Variants in CC2D1A observed in about 807,000 individuals in gnomAD.
CC2D1A encodes the protein coiled-coil and C2 domain-containing protein 1A.
Under a neutral mutation model 123.8 loss-of-function variants are expected in CC2D1A, and 68 were observed. The ratio of observed to expected loss-of-function variants is 0.55; its 90% confidence interval spans 0.45 to 0.67. The LOEUF (loss-of-function observed/expected upper bound fraction) is 0.67, where lower values mean the gene tolerates loss of function less well. CC2D1A is among the 30% of genes least tolerant of loss of function. The probability of loss-of-function intolerance (pLI) is 0.00; values close to 1 mark genes in which losing one functional copy is unlikely to be tolerated. For missense variants in CC2D1A, 1,185 were observed against 1,290.3 expected (o/e 0.92, Z 1.25); for synonymous variants, 477 against 528.0 (o/e 0.90, Z 1.32).
chr19:13,924,633 C>G (rs1043559630), intron 17 of CC2D1A, among the ~76,000 whole-genome samples: 6 of 152,118 alleles, frequency 3.9e-5, no homozygotes, highest in African/African-American at 1.4e-4. Flanking sequence ...CCATGCCCAG[C>G]TAATTTTTGT....
At chr19:13,910,665 C>T (rs1970969725) in intron 2 of CC2D1A, among the ~76,000 whole-genome samples, 1 of 152,158 alleles carries the variant, frequency 6.6e-6, no homozygotes, top group African/African-American at 2.4e-5. Context: ...AATCCCAGCA[C>T]TCTGGGAGGC....
intron 6 of CC2D1A, among the ~76,000 whole-genome samples, chr19:13,917,853 C>G (rs1971260359): frequency 6.6e-6 from 1 of 152,142 alleles, no homozygotes; most frequent in Non-Finnish European, 1.5e-5. Flanking sequence ...TGCCTGTAAT[C>G]CCAGCTACTC....
chr19:13,913,383 A>G, intron 5 of CC2D1A, 21 bp from the exon 6 acceptor site: 1 of 1,611,956 alleles, frequency 6.2e-7, no homozygotes, highest in Non-Finnish European at 8.5e-7. Flanking sequence ...CTCCCAAACC[A>G]ATACTCACGC....
At chr19:13,909,710 CT>C in intron 1 of CC2D1A, 112 bp from the exon 2 acceptor site, 1 of 1,403,764 alleles carries the variant, frequency 7.1e-7, no homozygotes. Flanking sequence ...AGGGAAATGG[CT>C]TTCCCTGGGA....
At chr19:13,919,342 C>T in intron 11 of CC2D1A, 140 bp downstream of exon 11, 1 of 649,082 alleles carries the variant, frequency 1.5e-6, no homozygotes. Context: ...TATTACTCCC[C>T]ATAGCACAGG....
intron 2 of CC2D1A, among the ~76,000 whole-genome samples, chr19:13,911,003 A>G: frequency 6.6e-6 from 1 of 152,148 alleles, no homozygotes; most frequent in East Asian, 1.9e-4. Flanking sequence ...ATATCTATTC[A>G]GGAAGGTGTC....
At position 13,927,265 on chromosome 19, in the gene CC2D1A, G is replaced by A. The variant is rs776312824; in HGVS notation, c.2316G>A (p.Glu772=). Residue 772 remains glutamate, a splice_region_variant and synonymous_variant, in exon 22 of 29, where the codon GAG becomes GAA. Coordinates refer to ENST00000318003, the MANE Select transcript of CC2D1A (RefSeq NM_017721.5). ...CATGTGAGGTCCGGGAGATCCTTGA[G>A]GTGAGAGGTGGACATTCATCCGCGT... The part of the protein sequence containing the change: ...EIACEVREIL[E]VLDGRRPTGG... 7.4e-6 allele frequency: 12 copies of A among 1,612,440 alleles called. No individual in the cohort carries two copies. Among genetic ancestry groups the A allele is most frequent in the Non-Finnish European group, 1.0e-5 (12 of 1,178,530 alleles).
At chr19:13,927,339 C>A in intron 22 of CC2D1A, 74 bp downstream of exon 22, 2 of 1,280,562 alleles carry the variant, frequency 1.6e-6, no homozygotes, top group South Asian at 1.2e-5. Flanking sequence ...ACACTTCCTG[C>A]CTTGAGCCCT....
At chr19:13,920,397 AAGG>A in intron 12 of CC2D1A, 157 bp from the exon 13 acceptor site, 1 of 629,952 alleles carries the variant, frequency 1.6e-6, no homozygotes, top group Non-Finnish European at 2.8e-6. Context: ...AAAAAAAAAA[AAGG>A]TGTTTGGGGC....
Position 13,923,337 on chromosome 19 carries a change from C to T in CC2D1A, c.1646C>T (p.Pro549Leu), listed in dbSNP as rs767180596. ...NGLPVDITKV[P>L]PAPVNKDDFA... ...CACCAGCCTCGTCCTCCCCAGGTGC[C>T]GCCTGCCCCTGTCAACAAGGACGAC... Residue 549 changes from proline (P) to leucine (L), a missense_variant, in exon 15 of 29, where the codon CCG (proline) becomes CTG (leucine). Physicochemically the swap from Pro to Leu is moderately conservative, Grantham distance 98. Transcript: ENST00000318003. The surrounding 1 kb of genome is among the most constrained non-coding windows in gnomAD (Gnocchi z 5.3). The T allele has an allele frequency of 2.1e-5, 34 of 1,605,838 alleles. No homozygotes were observed. The highest frequency in any genetic ancestry group is 2.8e-5 in the Non-Finnish European group (33 of 1,179,294).
chr19:13,920,381 G>GAAAA (rs60377105), intron 12 of CC2D1A, 176 bp from the exon 13 acceptor site: 9 of 526,844 alleles, frequency 1.7e-5, no homozygotes, highest in East Asian at 3.4e-5. Context: ...TCTCAAAAAA[G>GAAAA]AAAAAAAAAA....
intron 24 of CC2D1A, 29 bp from the exon 25 acceptor site, chr19:13,929,350 C>A: frequency 6.2e-7 from 1 of 1,609,842 alleles, no homozygotes; most frequent in Non-Finnish European, 8.5e-7. Flanking sequence ...GGAATCTCTG[C>A]AGTCCCTTAT....
rs749453820 is a variant in CC2D1A, at chr19:13,927,252, G to T, written c.2303G>T (p.Arg768Leu). 6.2e-7 allele frequency: 1 copy of T among 1,613,834 alleles called. No individual in the cohort carries two copies. Among genetic ancestry groups the T allele is most frequent in the South Asian group, 1.1e-5 (1 of 91,076 alleles). Residue 768 changes from arginine to leucine, a missense_variant, in exon 22 of 29, where the codon CGG (arginine) becomes CTG (leucine). Physicochemically the swap from Arg to Leu is moderately radical, Grantham distance 102 (BLOSUM62 -2). Coordinates refer to ENST00000318003, the MANE Select transcript of CC2D1A (RefSeq NM_017721.5). ...LDALEIACEV[R>L]EILEVLDGRR... is the part of the protein sequence containing the mutation. ...GCACTGGAGATAGCATGTGAGGTCC[G>T]GGAGATCCTTGAGGTGAGAGGTGGA...
chr19:13,911,696 T>C (rs928020640), intron 2 of CC2D1A, among the ~76,000 whole-genome samples: 3 of 147,312 alleles, frequency 2.0e-5, no homozygotes, highest in Admixed American at 6.8e-5. Context: ...CACGCCACCA[T>C]GCCCAGCTAA....
At chr19:13,919,298 C>T (rs1971326049) in intron 11 of CC2D1A, 96 bp downstream of exon 11, 7 of 948,598 alleles carry the variant, frequency 7.4e-6, no homozygotes, top group Non-Finnish European at 1.1e-5. Flanking sequence ...GCCCCAAGCT[C>T]CTGTTCCTCC....
At chr19:13,926,440 G>A (rs1971643782) in intron 17 of CC2D1A, 77 bp from the exon 18 acceptor site, 3 of 1,403,808 alleles carry the variant, frequency 2.1e-6, no homozygotes, top group Non-Finnish European at 3.0e-6. Flanking sequence ...ACTGGGGGAA[G>A]AGAAGGCAGG....
intron 17 of CC2D1A, among the ~76,000 whole-genome samples, chr19:13,925,924 AAAAAAAAAAAT>A (rs1197225490): frequency 9.5e-6 from 1 of 105,002 alleles, no homozygotes; most frequent in African/African-American, 4.1e-5. Flanking sequence ...TGTCTAAAAA[AAAAAAAAAAAT>A]ATATATATAT....
rs765454608 is a variant in CC2D1A at position 13,909,822 on chromosome 19, G to T, written c.61-1G>T. On this transcript the variant is annotated splice_acceptor_variant, in intron 1 of 28. Transcript: ENST00000318003. LOFTEE classifies it high-confidence loss of function. ...TGACTGAACCCTTGCTGTTCCCCTA[G>T]CTGGGCCTGCTGGTTGACCTCTCCC... 3 of 1,588,126 alleles carry T rather than the reference G, an allele frequency of 1.9e-6. No homozygotes were observed. In the South Asian group the frequency reaches 3.4e-5, roughly 18 times the overall value.
intron 6 of CC2D1A, among the ~76,000 whole-genome samples, chr19:13,915,060 C>G (rs1031665294): frequency 6.6e-6 from 1 of 152,208 alleles, no homozygotes; most frequent in African/African-American, 2.4e-5. Context: ...AGTTTCCAAG[C>G]CATTGTTTTT....
Sources: allele counts gnomAD v4.1 joint callset (sites outside exome capture counted in the v4.1 genomes callset), GRCh38; gene constraint gnomAD v4.1.1; non-coding constraint Gnocchi (gnomAD v3.1); transcripts MANE v1.5; gene names NCBI Gene and HGNC (gene_info 2026-07-23, HGNC 2026-07-21).